ANGPT1: variants seen among roughly 807,000 people sequenced by gnomAD.
ANGPT1 encodes the protein angiopoietin 1, also known as angiopoietin-1.
Under a neutral mutation model 62.2 loss-of-function variants are expected in ANGPT1, and 17 were observed. That is an observed-to-expected ratio of 0.27 (90% CI 0.19 to 0.41). ANGPT1 has a LOEUF of 0.41. Among genes scored for constraint, ANGPT1 ranks in the 10% least tolerant of loss-of-function variants. ANGPT1 has a pLI of 1.00. For synonymous variants in ANGPT1, 199 were observed against 198.9 expected (o/e 1.00, Z 0.00); for missense variants, 478 against 594.9 (o/e 0.80, Z 2.04).
intron 2 of ANGPT1, among the ~76,000 whole-genome samples, chr8:107,340,196 TC>T (rs1271142348): frequency 1.3e-5 from 2 of 151,862 alleles, no homozygotes; most frequent in Non-Finnish European, 2.9e-5. Context: ...CTAAACACAT[TC>T]CAAAAGCACA....
chr8:107,468,771 T>G (rs1812271758), intron 1 of ANGPT1, among the ~76,000 whole-genome samples: 1 of 152,014 alleles, frequency 6.6e-6, no homozygotes, highest in Non-Finnish European at 1.5e-5. Flanking sequence ...GTGGAGGGAA[T>G]CCTCCTGATT....
intron 7 of ANGPT1, among the ~76,000 whole-genome samples, chr8:107,269,767 C>A (rs1382910423): frequency 6.6e-6 from 1 of 151,878 alleles, no homozygotes; most frequent in Non-Finnish European, 1.5e-5. Flanking sequence ...CAAAAAGCAG[C>A]CACGACATAG....
At chr8:107,282,604 G>C (rs1346936713) in intron 7 of ANGPT1, among the ~76,000 whole-genome samples, 25 of 110,904 alleles carry the variant, frequency 2.3e-4, no homozygotes, top group African/African-American at 7.9e-4. Context: ...ATGAGCCTCA[G>C]CTTTCCTTCC....
At chr8:107,463,497 A>G (rs184989386) in intron 1 of ANGPT1, among the ~76,000 whole-genome samples, 5 of 152,264 alleles carry the variant, frequency 3.3e-5, no homozygotes, top group Admixed American at 6.5e-5. Context: ...GAGTTAGAAT[A>G]TATTCCAGTT....
In ANGPT1 at chr8:107,346,925, CTG is replaced by C. The variant is rs1815816674; in HGVS notation, c.453+15_453+16del. On this transcript the variant is annotated intron_variant, in intron 2 of 8. Coordinates refer to ENST00000517746, the MANE Select transcript of ANGPT1 (RefSeq NM_001146.5). Reference sequence around the variant, plus strand: ...TTTTTCCTTGTTGAGTCTGTGGACTCTGGCCCTGGGGTGTACCTGGGTCTCAA... The same window carrying C: ...TTTTTCCTTGTTGAGTCTGTGGACTCGCCCTGGGGTGTACCTGGGTCTCAA... 1 of 1,588,582 alleles carries C rather than the reference CTG, an allele frequency of 6.3e-7. No homozygotes were observed. The highest frequency in any genetic ancestry group is 8.6e-7 in the Non-Finnish European group (1 of 1,168,158).
rs1303974351 is a variant in ANGPT1 at position 107,358,118 on chromosome 8, C to CA, written c.298-11022dup. On this transcript the variant is annotated intron_variant, in intron 1 of 8. Transcript: ENST00000517746. ...ATATGTGTATGCGTGTGTTTTCTCC[C>CA]ACAATATGAGATTACTCAATGGAAC... Among the ~76,000 whole-genome samples, 6 of 152,160 alleles carry CA rather than the reference C, an allele frequency of 3.9e-5. No individual in the cohort carries two copies. In the East Asian group the frequency reaches 1.2e-3, roughly 29 times the overall value.
At chr8:107,452,816 A>G (rs1373536895) in intron 1 of ANGPT1, among the ~76,000 whole-genome samples, 1 of 152,068 alleles carries the variant, frequency 6.6e-6, no homozygotes, top group Non-Finnish European at 1.5e-5. Context: ...GAGATTAAAT[A>G]TATTTGACAC....
chr8:107,371,396 T>A (rs891672880), intron 1 of ANGPT1, among the ~76,000 whole-genome samples: 4 of 152,126 alleles, frequency 2.6e-5, no homozygotes, highest in African/African-American at 9.7e-5. Context: ...CTCAGCTATT[T>A]TGAAAATCAC....
intron 4 of ANGPT1, among the ~76,000 whole-genome samples, chr8:107,306,941 C>T (rs771508601): frequency 3.3e-5 from 5 of 151,806 alleles, no homozygotes; most frequent in Admixed American, 6.6e-5. Flanking sequence ...GTAAAAGAAG[C>T]ATCACCGAAC....
At chr8:107,355,652 T>C (rs1461192213) in intron 1 of ANGPT1, among the ~76,000 whole-genome samples, 1 of 151,980 alleles carries the variant, frequency 6.6e-6, no homozygotes, top group South Asian at 2.1e-4. Flanking sequence ...CCAACTGGAA[T>C]GCTTCTTTTC....
chr8:107,481,232 T>G (rs1459070713), intron 1 of ANGPT1, among the ~76,000 whole-genome samples: 1 of 152,068 alleles, frequency 6.6e-6, no homozygotes, highest in East Asian at 1.9e-4. Context: ...TGTTTCTTAC[T>G]CTTTAAAAAT....
intron 1 of ANGPT1, among the ~76,000 whole-genome samples, chr8:107,440,273 T>G (rs1337945981): frequency 6.6e-6 from 1 of 152,142 alleles, no homozygotes; most frequent in African/African-American, 2.4e-5. Flanking sequence ...CATTCACTAT[T>G]TTAATTACAT....
chr8:107,297,367 C>T (rs1008155832), intron 5 of ANGPT1, among the ~76,000 whole-genome samples: 1 of 151,838 alleles, frequency 6.6e-6, no homozygotes, highest in East Asian at 1.9e-4. Flanking sequence ...TCTGTATGTA[C>T]CTCTTAGATA....
chr8:107,428,102 T>C (rs544994313), intron 1 of ANGPT1, among the ~76,000 whole-genome samples: 23 of 152,338 alleles, frequency 1.5e-4, no homozygotes, highest in Admixed American at 1.4e-3. Context: ...TCATGTGACC[T>C]TTCTCCACTT....
intron 7 of ANGPT1, among the ~76,000 whole-genome samples, chr8:107,277,802 C>G (rs945504118): frequency 2.0e-5 from 3 of 152,004 alleles, no homozygotes; most frequent in African/African-American, 7.2e-5. Flanking sequence ...GAAAAGCTGA[C>G]CCAAAGTCTT....
chr8:107,496,263 C>T (rs1043475376), intron 1 of ANGPT1, among the ~76,000 whole-genome samples: 2 of 152,216 alleles, frequency 1.3e-5, no homozygotes, highest in African/African-American at 4.8e-5. Flanking sequence ...GTTGAATATA[C>T]TTATTCTCGG....
intron 1 of ANGPT1, among the ~76,000 whole-genome samples, chr8:107,352,437 A>G (rs1257790966): frequency 6.6e-6 from 1 of 152,098 alleles, no homozygotes; most frequent in Non-Finnish European, 1.5e-5. Flanking sequence ...CTTTTGCCCA[A>G]TGACCAGGGG....
At chr8:107,475,464 A>T (rs1812492817) in intron 1 of ANGPT1, among the ~76,000 whole-genome samples, 1 of 152,168 alleles carries the variant, frequency 6.6e-6, no homozygotes, top group African/African-American at 2.4e-5. Context: ...TAACCATTAG[A>T]CCTAAAACCA....
At chr8:107,392,849 C>A (rs1816861515) in intron 1 of ANGPT1, among the ~76,000 whole-genome samples, 1 of 152,128 alleles carries the variant, frequency 6.6e-6, no homozygotes, top group Admixed American at 6.5e-5. Context: ...GGTAAATAAT[C>A]TTTTTATTAC....
Sources: allele counts gnomAD v4.1 joint callset (sites outside exome capture counted in the v4.1 genomes callset), GRCh38; gene constraint gnomAD v4.1.1; transcripts MANE v1.5; gene names NCBI Gene and HGNC (gene_info 2026-07-23, HGNC 2026-07-21).